The following SLC37A1 variants were observed in gnomAD, a reference collection of about 807,000 sequenced individuals.
SLC37A1 encodes glucose-6-phosphate exchanger SLC37A1.
Under a neutral mutation model 75.3 loss-of-function variants are expected in SLC37A1, and 49 were observed. The observed-to-expected ratio is 0.65, with a 90% CI of 0.52 to 0.83. The LOEUF (loss-of-function observed/expected upper bound fraction) is 0.83, where lower values mean the gene tolerates loss of function less well. SLC37A1 is among the 40% of genes least tolerant of loss of function. SLC37A1 has a pLI of 0.00. For synonymous variants in SLC37A1, 268 were observed against 292.1 expected (o/e 0.92, Z 0.84); for missense variants, 566 against 695.0 (o/e 0.81, Z 2.09).
chr21:42,541,012 C>T (rs552575248), intron 6 of SLC37A1, among the ~76,000 whole-genome samples: 1 of 152,160 alleles, frequency 6.6e-6, no homozygotes, highest in South Asian at 2.1e-4. Flanking sequence ...CTTTTTGGCA[C>T]CAGGGACCAG....
chr21:42,570,907 GACCCCCTCTGGCCTTCTGTTA>G (rs1028824366), intron 17 of SLC37A1, among the ~76,000 whole-genome samples: 1 of 152,154 alleles, frequency 6.6e-6, no homozygotes, highest in African/African-American at 2.4e-5. Flanking sequence ...ACACACACCG[GACCCCCTCTGGCCTTCTGTTA>G]ACCTGCACCA....
At chr21:42,551,426 AGTG>A (rs2055554058) in intron 9 of SLC37A1, among the ~76,000 whole-genome samples, 1 of 152,182 alleles carries the variant, frequency 6.6e-6, no homozygotes, top group Non-Finnish European at 1.5e-5. Flanking sequence ...AAAGAAGATG[AGTG>A]GTTGTCAGGG....
In SLC37A1 at chr21:42,579,784, A is replaced by G. The variant is rs1472904070; in HGVS notation, c.1570A>G (p.Thr524Ala). 3 of 1,614,154 alleles carry G rather than the reference A, an allele frequency of 1.9e-6. No homozygotes were observed. The highest frequency in any genetic ancestry group is 2.5e-6 in the Non-Finnish European group (3 of 1,180,014). The stretch of plus-strand genomic sequence containing the variant: ...GGAGCTGAGCTGCCCAGGGTCAGCT[A>G]CGGGGGACCAAGTTCCGTAAGTCCC... ...HKELSCPGSATGDQVPFKEQ is the reference protein window; with the variant it reads ...HKELSCPGSAAGDQVPFKEQ The change falls in exon 19 of 20, where the codon ACG (threonine) becomes GCG (alanine). Residue 524 changes from threonine to alanine, a missense_variant. Coordinates refer to ENST00000352133, the MANE Select transcript of SLC37A1 (RefSeq NM_001320537.2).
intron 1 of SLC37A1, among the ~76,000 whole-genome samples, chr21:42,515,924 C>G (rs1481100092): frequency 6.6e-6 from 1 of 152,064 alleles, no homozygotes; most frequent in African/African-American, 2.4e-5. Flanking sequence ...ACGCCCAGCT[C>G]TTTTGTGTAT....
At chr21:42,527,946 T>C (rs2054844246) in intron 3 of SLC37A1, among the ~76,000 whole-genome samples, 2 of 152,210 alleles carry the variant, frequency 1.3e-5, no homozygotes, top group South Asian at 4.1e-4. Context: ...ATAAATGGCA[T>C]CAACGAAACT....
In SLC37A1 at chr21:42,565,172, C is replaced by T. The variant is rs573408762; in HGVS notation, c.1221+379C>T. Among the ~76,000 whole-genome samples, 7 of 152,376 alleles carry T rather than the reference C, an allele frequency of 4.6e-5. No individual in the cohort carries two copies. In the East Asian group the frequency reaches 1.3e-3, roughly 29 times the overall value. Reference sequence around the variant, plus strand: ...AGTGCTTTTCAGGCATTTCGTAGCTCCTGACCTTGGGCTGTGACACCCCCC... The same window carrying T: ...AGTGCTTTTCAGGCATTTCGTAGCTTCTGACCTTGGGCTGTGACACCCCCC... On this transcript the variant is annotated intron_variant, in intron 14 of 19. Coordinates refer to ENST00000352133, the MANE Select transcript of SLC37A1 (RefSeq NM_001320537.2).
At chr21:42,533,862 C>G (rs2055061625) in intron 3 of SLC37A1, among the ~76,000 whole-genome samples, 1 of 152,226 alleles carries the variant, frequency 6.6e-6, no homozygotes, top group African/African-American at 2.4e-5. Flanking sequence ...TGGCTTTCCC[C>G]TCCTCCCACC....
chr21:42,523,469 G>A (rs2054702883), intron 2 of SLC37A1, among the ~76,000 whole-genome samples: 1 of 152,232 alleles, frequency 6.6e-6, no homozygotes, highest in Non-Finnish European at 1.5e-5. Context: ...ACCAGCAGTC[G>A]AAGGCGTGAG....
At chr21:42,535,652 C>T (rs897998781) in intron 5 of SLC37A1, 102 bp downstream of exon 5, 11 of 984,530 alleles carry the variant, frequency 1.1e-5, no homozygotes, top group Non-Finnish European at 1.6e-5. Flanking sequence ...GGGATTGAGG[C>T]CCCCGCTTGC....
At chr21:42,523,909 A>T (rs199652439) in intron 2 of SLC37A1, among the ~76,000 whole-genome samples, 1 of 130,922 alleles carries the variant, frequency 7.6e-6, no homozygotes, top group Non-Finnish European at 1.6e-5. Context: ...TTTTTTTTTT[A>T]AGAAAAATCT....
chr21:42,510,245 C>G (rs2146683116), upstream of SLC37A1, among the ~76,000 whole-genome samples: 1 of 152,274 alleles, frequency 6.6e-6, no homozygotes, highest in Non-Finnish European at 1.5e-5. Flanking sequence ...CCAGGATAGT[C>G]TCGATCTCCT....
At chr21:42,532,337 C>G (rs2055007243) in intron 3 of SLC37A1, among the ~76,000 whole-genome samples, 1 of 152,234 alleles carries the variant, frequency 6.6e-6, no homozygotes. Flanking sequence ...CGGCGGCCTG[C>G]AGAATCTCTT....
chr21:42,508,091 A>G (rs185928609), intron 2 of SLC37A1, among the ~76,000 whole-genome samples: 1 of 149,292 alleles, frequency 6.7e-6, no homozygotes, highest in East Asian at 2.0e-4. Context: ...CACACAGTTT[A>G]CCAAACTATA....
At chr21:42,533,132 G>A (rs1453354103) in intron 3 of SLC37A1, among the ~76,000 whole-genome samples, 5 of 152,176 alleles carry the variant, frequency 3.3e-5, no homozygotes, top group Non-Finnish European at 7.3e-5. Flanking sequence ...GCCTGCCTGG[G>A]CACTGGGGTG....
intron 11 of SLC37A1, among the ~76,000 whole-genome samples, chr21:42,559,654 T>G (rs1448646413): frequency 3.3e-5 from 5 of 152,318 alleles, no homozygotes; most frequent in African/African-American, 1.2e-4. Flanking sequence ...GGCAGGCAGA[T>G]CACCTGAGGT....
chr21:42,564,000 C>A, intron 13 of SLC37A1, 123 bp downstream of exon 13: 1 of 1,112,044 alleles, frequency 9.0e-7, no homozygotes, highest in Non-Finnish European at 1.3e-6. Context: ...GTGGGCCCAG[C>A]CCAAGAGGGT....
chr21:42,564,815 G>C (rs750049956), intron 14 of SLC37A1, 22 bp downstream of exon 14: 1 of 1,599,486 alleles, frequency 6.3e-7, no homozygotes, highest in Non-Finnish European at 8.5e-7. Flanking sequence ...TGCCTTCCCT[G>C]GGCCCCAAAG....
intron 3 of SLC37A1, among the ~76,000 whole-genome samples, chr21:42,533,032 A>G (rs1014931827): frequency 6.6e-6 from 1 of 152,144 alleles, no homozygotes; most frequent in Non-Finnish European, 1.5e-5. Context: ...CAGGGTGTCT[A>G]GCTCCGATTC....
intron 3 of SLC37A1, among the ~76,000 whole-genome samples, chr21:42,532,981 C>T (rs765755053): frequency 1.3e-5 from 2 of 152,186 alleles, no homozygotes; most frequent in Non-Finnish European, 2.9e-5. Flanking sequence ...TGTGACATGC[C>T]GGGACTCAGT....
Sources: allele counts gnomAD v4.1 joint callset (sites outside exome capture counted in the v4.1 genomes callset), GRCh38; gene constraint gnomAD v4.1.1; transcripts MANE v1.5; gene names NCBI Gene and HGNC (gene_info 2026-07-23, HGNC 2026-07-21).